The following TMEM268 variants were observed in gnomAD, a reference collection of about 807,000 sequenced individuals.
TMEM268 encodes the protein transmembrane protein C9orf91.
Under a neutral mutation model 39.1 loss-of-function variants are expected in TMEM268, and 24 were observed. The observed-to-expected ratio is 0.61, with a 90% CI of 0.44 to 0.86. The LOEUF (loss-of-function observed/expected upper bound fraction) is 0.86. Among genes scored for constraint, TMEM268 ranks in the 40% least tolerant of loss-of-function variants. The pLI is 0.00. For synonymous variants in TMEM268, 176 were observed against 173.5 expected (o/e 1.01, Z -0.12); for missense variants, 409 against 428.6 (o/e 0.95, Z 0.40).
intron 5 of TMEM268, among the ~76,000 whole-genome samples, chr9:114,632,515 C>T (rs1320067816): frequency 6.6e-6 from 1 of 152,204 alleles, no homozygotes; most frequent in Admixed American, 6.5e-5. Context: ...TGTCCCTCCT[C>T]TTCTCCCCCA....
At chr9:114,626,821 C>T (rs1178479205) in intron 3 of TMEM268, 78 bp from the exon 4 acceptor site, 1 of 1,080,338 alleles carries the variant, frequency 9.3e-7, no homozygotes, top group East Asian at 2.4e-5. Context: ...GCCTAATCCC[C>T]CTTCCACATG....
intron 6 of TMEM268, among the ~76,000 whole-genome samples, chr9:114,634,231 T>C (rs1485596562): frequency 6.6e-6 from 1 of 152,204 alleles, no homozygotes; most frequent in Admixed American, 6.5e-5. Context: ...GTCCCTGTCC[T>C]GGCAGAGGAT....
Position 114,638,669 on chromosome 9 carries a change from C to T in TMEM268, c.792C>T (p.Asn264=), listed in dbSNP as rs554808792. 81 of 1,607,676 alleles carry T rather than the reference C, an allele frequency of 5.0e-5. No individual in the cohort carries two copies. Among genetic ancestry groups the T allele is most frequent in the Middle Eastern group, 3.3e-4 (2 of 6,046 alleles). ...TCCTGCCCGGCAATTCTTGTCCTAA[C>T]GAGAGGCCACTCATGCAGACTGAGC... ...APLLPGNSCP[N]ERPLMQTELH... Residue 264 remains asparagine (N), a synonymous_variant, in exon 8 of 9, where the codon AAC becomes AAT. Transcript: ENST00000288502.
chr9:114,642,861 T>G (rs568193681), intron 8 of TMEM268, among the ~76,000 whole-genome samples: 1 of 152,200 alleles, frequency 6.6e-6, no homozygotes, highest in South Asian at 2.1e-4. Flanking sequence ...TTTGTGCGTA[T>G]TATTATTGCC....
intron 2 of TMEM268, among the ~76,000 whole-genome samples, chr9:114,622,726 G>A (rs1845993874): frequency 6.6e-6 from 1 of 152,116 alleles, no homozygotes; most frequent in South Asian, 2.1e-4. Flanking sequence ...ACGTAGGAGG[G>A]ATTACAGTAA....
At chr9:114,634,567 G>A (rs1431601240) in intron 6 of TMEM268, among the ~76,000 whole-genome samples, 1 of 152,168 alleles carries the variant, frequency 6.6e-6, no homozygotes, top group Admixed American at 6.5e-5. Flanking sequence ...GAACTCTCCT[G>A]TTCCTCCATC....
Position 114,643,628 on chromosome 9 carries a change from T to G in TMEM268, c.*315T>G. On this transcript the variant is annotated 3_prime_UTR_variant, in exon 9 of 9. Coordinates refer to ENST00000288502, the MANE Select transcript of TMEM268 (RefSeq NM_153045.4). ...AAAGACTGGACCCCCATTGCTTTCA[T>G]TGTTCAGAGAACCCAGGAGACATGA... The G allele has an allele frequency of 8.0e-6, 2 of 248,974 alleles. No individual in the cohort carries two copies. The highest frequency in any genetic ancestry group is 1.8e-4 in the South Asian group (2 of 11,084). 15.4% of individuals were successfully genotyped at this position (248,974 alleles called of 1,614,324 possible). A position where few individuals can be genotyped will look rare whatever the true frequency, so the allele number is the denominator to read the frequency against.
rs1400024986 is a variant in TMEM268, at chr9:114,628,139, C to G, written c.363C>G (p.Thr121=). 1.2e-6 allele frequency: 2 copies of G among 1,614,028 alleles called. No individual in the cohort carries two copies. Among genetic ancestry groups the G allele is most frequent in the Non-Finnish European group, 1.7e-6 (2 of 1,180,044 alleles). The change falls in exon 5 of 9, where the codon ACC becomes ACG. Residue 121 remains threonine, a synonymous_variant. Transcript: ENST00000288502. ...YVVVWANIYS[T]SQMFALGNHW... is the part of the protein sequence containing the mutation. Reference sequence around the variant, plus strand: ...TGGTGTGGGCCAATATCTACTCTACCAGTCAGATGTTTGCCTTGGGGAACC... The same window carrying G: ...TGGTGTGGGCCAATATCTACTCTACGAGTCAGATGTTTGCCTTGGGGAACC...
intron 5 of TMEM268, among the ~76,000 whole-genome samples, chr9:114,630,279 T>C (rs7856460): frequency 4.9e-4 from 72 of 148,202 alleles, no homozygotes; most frequent in African/African-American, 1.3e-3. Context: ...AATATATATC[T>C]ATCCATCCAT....
chr9:114,620,324 A>G (rs1472615768), intron 2 of TMEM268, among the ~76,000 whole-genome samples: 2 of 152,150 alleles, frequency 1.3e-5, no homozygotes, highest in Non-Finnish European at 2.9e-5. Flanking sequence ...GGCTCACTGC[A>G]GCCTTGACCT....
rs1453036006 is a variant in TMEM268 at position 114,644,060 on chromosome 9, A to G, written c.*747A>G. ...TGCACGCTTGTGGTTGTGGTTTTAT[A>G]TTACAGATGTAGAACAATGGTTATG... On this transcript the variant is annotated 3_prime_UTR_variant, in exon 9 of 9. Coordinates refer to ENST00000288502, the MANE Select transcript of TMEM268 (RefSeq NM_153045.4). The G allele has an allele frequency of 6.6e-6, 1 of 152,234 alleles. No homozygotes were observed. Among genetic ancestry groups the G allele is most frequent in the Non-Finnish European group, 1.5e-5 (1 of 68,032 alleles). The allele number at this position is 152,234 out of a possible 1,614,324, so 9.4% of individuals were successfully genotyped here.
chr9:114,606,702 T>A (rs62578851), upstream of TMEM268, among the ~76,000 whole-genome samples: 12,760 of 152,212 alleles, frequency 0.084, 597 homozygotes, highest in South Asian at 0.14. Context: ...TGGTGAAGTC[T>A]GGATTTAAAC....
chr9:114,626,012 G>C (rs1589341979), intron 3 of TMEM268, among the ~76,000 whole-genome samples: 1 of 146,194 alleles, frequency 6.8e-6, no homozygotes, highest in Non-Finnish European at 1.5e-5. Flanking sequence ...TTTTTAGCAG[G>C]AACAGGGTTT....
chr9:114,629,166 A>G (rs1846286398), intron 5 of TMEM268, among the ~76,000 whole-genome samples: 1 of 152,256 alleles, frequency 6.6e-6, no homozygotes, highest in African/African-American at 2.4e-5. Context: ...TTGGTTTTCC[A>G]AAGCTGCTGT....
rs189959592 is a variant in TMEM268 at position 114,616,200 on chromosome 9, A to G, written c.-78-918A>G. Among the ~76,000 whole-genome samples the G allele has an allele frequency of 6.5e-3, 977 of 150,996 alleles. 4 individuals carry two copies. Among genetic ancestry groups the G allele is most frequent in the Non-Finnish European group, 0.01 (683 of 67,814 alleles). ...CTGGCTAATTTTTTGTATTTTTAGT[A>G]GAGACGGGGTTTCCCCATGTTAGCC... On this transcript the variant is annotated intron_variant, in intron 1 of 8. Transcript: ENST00000288502.
At chr9:114,632,543 C>T (rs10817647) in intron 5 of TMEM268, among the ~76,000 whole-genome samples, 41,489 of 151,922 alleles carry the variant, frequency 0.27, 5,981 homozygotes, top group South Asian at 0.4. Flanking sequence ...AGCATCCACT[C>T]TCCCAGCTGA....
chr9:114,618,366 A>G (rs978137919), intron 2 of TMEM268, among the ~76,000 whole-genome samples: 8 of 151,404 alleles, frequency 5.3e-5, no homozygotes, highest in African/African-American at 1.9e-4. Flanking sequence ...ATGAATTTCT[A>G]TTCATCCATC....
At chr9:114,621,674 G>A (rs999226037) in intron 2 of TMEM268, among the ~76,000 whole-genome samples, 1 of 152,152 alleles carries the variant, frequency 6.6e-6, no homozygotes, top group African/African-American at 2.4e-5. Flanking sequence ...CATGAGCTGG[G>A]ATACAAATGA....
intron 6 of TMEM268, 48 bp from the exon 7 acceptor site, chr9:114,636,942 G>A (rs1029528172): frequency 2.7e-5 from 34 of 1,271,150 alleles, no homozygotes; most frequent in Non-Finnish European, 3.3e-5. Flanking sequence ...AGAGTTCAGG[G>A]TTGGGCTGCC....
Sources: allele counts gnomAD v4.1 joint callset (sites outside exome capture counted in the v4.1 genomes callset), GRCh38; gene constraint gnomAD v4.1.1; transcripts MANE v1.5; gene names NCBI Gene and HGNC (gene_info 2026-07-23, HGNC 2026-07-21).